The following ABCB7 variants were observed in gnomAD, a reference collection of about 807,000 sequenced individuals.
The protein encoded by ABCB7 is iron-sulfur clusters transporter ABCB7, mitochondrial.
A neutral mutation model predicts 54.4 loss-of-function variants in ABCB7; 7 were observed. The observed-to-expected ratio is 0.13, with a 90% CI of 0.07 to 0.24. The LOEUF is 0.24. Ranked by LOEUF, ABCB7 falls within the 10% of genes least tolerant of loss-of-function variation. The pLI is 1.00. For synonymous variants in ABCB7, 218 were observed against 207.1 expected (o/e 1.05, Z -0.45); for missense variants, 356 against 570.4 (o/e 0.62, Z 3.83).
At chrX:75,152,880 G>A (rs2082143177) in intron 1 of ABCB7, among the ~76,000 whole-genome samples, 2 of 110,025 alleles carry the variant, frequency 1.8e-5, no homozygotes, top group African/African-American at 6.6e-5. Flanking sequence ...GGCTGGTCTC[G>A]AGCTCTTGAC....
chrX:75,147,164 AT>A (rs768702952), intron 1 of ABCB7, among the ~76,000 whole-genome samples: 26 of 111,779 alleles, frequency 2.3e-4, no homozygotes, highest in Admixed American at 2.2e-3. Flanking sequence ...AAGTCAAAAA[AT>A]AACAGATGCT....
At chrX:75,078,484 C>T (rs1312178827) in intron 4 of ABCB7, among the ~76,000 whole-genome samples, 1 of 111,432 alleles carries the variant, frequency 9.0e-6, no homozygotes, top group East Asian at 2.8e-4. Context: ...CTGGTGAGGT[C>T]TGGGATTTTA....
chrX:75,141,552 T>C (rs2082054092), intron 1 of ABCB7, among the ~76,000 whole-genome samples: 1 of 111,689 alleles, frequency 9.0e-6, no homozygotes, highest in Admixed American at 9.6e-5. Flanking sequence ...AACTGATGGC[T>C]GAACCATAAT....
intron 2 of ABCB7, among the ~76,000 whole-genome samples, chrX:75,113,837 C>G (rs1282199367): frequency 8.9e-6 from 1 of 111,845 alleles, no homozygotes; most frequent in Admixed American, 9.5e-5. Flanking sequence ...AAAGTGATTG[C>G]CATAAACAGG....
chrX:75,156,128 A>G lies in ABCB7; in HGVS notation c.145T>C (p.Leu49=). The G allele has an allele frequency of 5.0e-6, 6 of 1,209,680 alleles. No homozygotes were observed. The highest frequency in any genetic ancestry group is 6.7e-6 in the Non-Finnish European group (6 of 894,652). The change falls in exon 1 of 16, where the codon TTG becomes CTG. Residue 49 remains leucine, a synonymous_variant. Transcript: ENST00000373394. Reference sequence around the variant, plus strand: ...ACCTGGTAGGCTCGAGCGGTTCCCAAGGCGCCGAGTTGATGTGGCCTCCAC... The same window carrying G: ...ACCTGGTAGGCTCGAGCGGTTCCCAGGGCGCCGAGTTGATGTGGCCTCCAC... The part of the protein sequence containing the change: ...PQWRPHQLGA[L]GTARAYQIPE...
intron 1 of ABCB7, among the ~76,000 whole-genome samples, chrX:75,124,759 A>C (rs1468359511): frequency 1.8e-5 from 2 of 112,000 alleles, no homozygotes; most frequent in Non-Finnish European, 3.8e-5. Flanking sequence ...AATTGGTACG[A>C]ATCTCTGAGT....
At chrX:75,125,088 C>T (rs556704793) in intron 1 of ABCB7, among the ~76,000 whole-genome samples, 5 of 111,495 alleles carry the variant, frequency 4.5e-5, no homozygotes, top group East Asian at 5.6e-4. Flanking sequence ...TGTCAGATTG[C>T]CACTGGTGAT....
intron 3 of ABCB7, among the ~76,000 whole-genome samples, chrX:75,100,797 C>A (rs778082395): frequency 2.7e-5 from 3 of 111,513 alleles, no homozygotes; most frequent in Non-Finnish European, 3.8e-5. Context: ...TAACTCAAAG[C>A]CAAATACAGT....
At chrX:75,079,539 A>C (rs902913219) in intron 4 of ABCB7, among the ~76,000 whole-genome samples, 1 of 111,927 alleles carries the variant, frequency 8.9e-6, no homozygotes, top group African/African-American at 3.3e-5. Flanking sequence ...CATAGCTGCA[A>C]AACAGTACGT....
intron 1 of ABCB7, among the ~76,000 whole-genome samples, chrX:75,121,672 C>T (rs2081880431): frequency 8.9e-6 from 1 of 112,105 alleles, no homozygotes; most frequent in Admixed American, 9.5e-5. Context: ...AAGAGTTGCA[C>T]AGTTCATTGA....
At chrX:75,117,292 G>T (rs1192386630) in intron 1 of ABCB7, among the ~76,000 whole-genome samples, 2 of 110,083 alleles carry the variant, frequency 1.8e-5, no homozygotes, top group African/African-American at 6.6e-5. Flanking sequence ...AGGTCCAGTA[G>T]TATCTTTCTG....
intron 1 of ABCB7, among the ~76,000 whole-genome samples, chrX:75,127,495 G>A (rs2081942264): frequency 8.9e-6 from 1 of 111,740 alleles, no homozygotes; most frequent in South Asian, 3.8e-4. Flanking sequence ...TTGAAAACTG[G>A]CACAAGGACA....
chrX:75,112,554 G>A (rs768083696), intron 3 of ABCB7, among the ~76,000 whole-genome samples: 3 of 111,311 alleles, frequency 2.7e-5, no homozygotes, highest in Non-Finnish European at 3.8e-5. Flanking sequence ...TGAAGCACAC[G>A]CACACACACA....
chrX:75,067,877 T>A (rs1484306049), intron 12 of ABCB7, among the ~76,000 whole-genome samples: 1 of 111,225 alleles, frequency 9.0e-6, no homozygotes, highest in Non-Finnish European at 1.9e-5. Context: ...TGGGCCCACA[T>A]AGTCCTCCAA....
chrX:75,060,164 G>A, intron 15 of ABCB7, 59 bp downstream of exon 15: 4 of 926,130 alleles, frequency 4.3e-6, no homozygotes, highest in Middle Eastern at 2.7e-4. Flanking sequence ...TAAGCTTCTT[G>A]TATCTATAAC....
chrX:75,115,942 G>A (rs1421882815), intron 1 of ABCB7, among the ~76,000 whole-genome samples: 3 of 111,452 alleles, frequency 2.7e-5, no homozygotes, highest in Non-Finnish European at 5.7e-5. Flanking sequence ...CAACCTGACT[G>A]CTATAGTATC....
chrX:75,053,053 A>T lies in ABCB7; in HGVS notation c.*317T>A. The T allele has an allele frequency of 4.0e-6, 1 of 251,438 alleles. No individual in the cohort carries two copies. The allele number at this position is 251,438 out of a possible 1,213,427, so 20.7% of individuals were successfully genotyped here. A position where few individuals can be genotyped will look rare whatever the true frequency, so the allele number is the denominator to read the frequency against. On this transcript the variant is annotated 3_prime_UTR_variant, in exon 16 of 16. Transcript: ENST00000373394. ...GGTTTTAAAAACTATAAAAATTGGG[A>T]AACCAATCTGATTCATCTGGCTATA...
intron 3 of ABCB7, among the ~76,000 whole-genome samples, chrX:75,099,505 G>A (rs776720763): frequency 9.0e-6 from 1 of 111,445 alleles, no homozygotes; most frequent in Non-Finnish European, 1.9e-5. Context: ...TGGTAGAGCT[G>A]AGTTGCAATA....
intron 15 of ABCB7, among the ~76,000 whole-genome samples, chrX:75,054,207 G>A (rs991266241): frequency 1.4e-4 from 16 of 111,897 alleles, no homozygotes; most frequent in African/African-American, 4.9e-4. Flanking sequence ...AAGGACTTCT[G>A]TCACTTTTAC....
Sources: gnomAD v4.1 joint callset for allele counts (sites outside exome capture counted in the v4.1 genomes callset) on GRCh38, gnomAD v4.1.1 for gene constraint, MANE v1.5 for transcripts, NCBI Gene and HGNC (gene_info 2026-07-23, HGNC 2026-07-21) for gene names.